TRIM2: variants seen among roughly 807,000 people sequenced by gnomAD.
The protein encoded by TRIM2 is tripartite motif containing 2.
Under a neutral mutation model 75.2 loss-of-function variants are expected in TRIM2, and 20 were observed. That is an observed-to-expected ratio of 0.27 (90% confidence interval 0.19 to 0.39). TRIM2 has a LOEUF of 0.39. TRIM2 is among the 10% of genes least tolerant of loss of function. The pLI, the probability that TRIM2 is intolerant of heterozygous loss-of-function variation, is 1.00. For synonymous variants in TRIM2, 373 were observed against 388.3 expected (o/e 0.96, Z 0.46); for missense variants, 660 against 990.8 (o/e 0.67, Z 4.48).
chr4:153,188,474 C>G lies in TRIM2; in HGVS notation c.-49+35204C>G, dbSNP rs565327202. Among the ~76,000 whole-genome samples, 6 of 151,476 alleles carry G rather than the reference C, an allele frequency of 4.0e-5. No homozygotes were observed. The East Asian group carries it at 9.7e-4, about 24-fold the overall frequency. ...GACTCTGTCTCAAAACAACAAAAAC[C>G]CCATAAAAAAACAAAAGCAAAAAAC... On this transcript the variant is annotated intron_variant, in intron 1 of 11. Transcript: ENST00000437508.
In TRIM2 at chr4:153,244,334, T is replaced by C. The variant is rs867885520; in HGVS notation, c.31-26001T>C. Among the ~76,000 whole-genome samples, 15 of 27,926 alleles carry C rather than the reference T, an allele frequency of 5.4e-4. 1 individual carries two copies. The highest frequency in any genetic ancestry group is 2.1e-3 in the South Asian group (1 of 476). The allele number at this position is 27,926 out of a possible 152,430, so 18.3% of individuals were successfully genotyped here. A position where few individuals can be genotyped will look rare whatever the true frequency, so the allele number is the denominator to read the frequency against. ...CCTCCTCCTCCTCTTCTTCTTCTTC[T>C]TCTTCTTCTTCTTCTTCTTCCTCTT... On this transcript the variant is annotated intron_variant, in intron 1 of 11. Coordinates refer to ENST00000338700, the MANE Select transcript of TRIM2 (RefSeq NM_015271.5).
intron 11 of TRIM2, among the ~76,000 whole-genome samples, chr4:153,333,591 C>T (rs1361054860): frequency 3.3e-5 from 5 of 152,110 alleles, no homozygotes; most frequent in Non-Finnish European, 4.4e-5. Flanking sequence ...AAAAATTTAA[C>T]AGAAGTAACA....
At chr4:153,324,248 A>T (rs1281971480) in intron 10 of TRIM2, 100 bp downstream of exon 10, 2 of 989,228 alleles carry the variant, frequency 2.0e-6, no homozygotes, top group East Asian at 5.3e-5. Context: ...CACCAAAGGG[A>T]GTTAACCAGC....
At chr4:153,276,157 C>A in intron 3 of TRIM2, 27 bp downstream of exon 3, 1 of 1,589,238 alleles carries the variant, frequency 6.3e-7, no homozygotes, top group Non-Finnish European at 8.6e-7. Context: ...GCAGATACTG[C>A]CCGGGAGCAT....
intron 6 of TRIM2, among the ~76,000 whole-genome samples, chr4:153,296,973 A>T (rs1762895670): frequency 6.6e-6 from 1 of 152,206 alleles, no homozygotes; most frequent in Non-Finnish European, 1.5e-5. Context: ...AGGCTAAATG[A>T]AGGAAGTGGA....
At chr4:153,161,045 T>A (rs919727003) in intron 1 of TRIM2, among the ~76,000 whole-genome samples, 1 of 152,228 alleles carries the variant, frequency 6.6e-6, no homozygotes, top group Admixed American at 6.5e-5. Flanking sequence ...GGCATGCTCA[T>A]CTTGCCAAAG....
chr4:153,281,960 C>T (rs989788812), intron 3 of TRIM2, among the ~76,000 whole-genome samples: 3 of 152,334 alleles, frequency 2.0e-5, no homozygotes, highest in Middle Eastern at 3.4e-3. Flanking sequence ...TAACAAGTTT[C>T]CACTTCCATA....
At chr4:153,165,768 T>C (rs777198190) in intron 1 of TRIM2, among the ~76,000 whole-genome samples, 7 of 152,172 alleles carry the variant, frequency 4.6e-5, no homozygotes, top group Non-Finnish European at 7.4e-5. Context: ...GGGTCCTCCA[T>C]AGCCATCCTC....
chr4:153,230,215 C>G (rs1743255783), intron 1 of TRIM2, among the ~76,000 whole-genome samples: 3 of 152,158 alleles, frequency 2.0e-5, no homozygotes, highest in African/African-American at 7.2e-5. Flanking sequence ...AGGTCTTGCT[C>G]TGCTGCCCAG....
At chr4:153,250,542 A>T (rs1292492745) in intron 1 of TRIM2, among the ~76,000 whole-genome samples, 2 of 152,224 alleles carry the variant, frequency 1.3e-5, no homozygotes, top group African/African-American at 4.8e-5. Context: ...ATAAGAATAA[A>T]TGATACCAGA....
intron 1 of TRIM2, among the ~76,000 whole-genome samples, chr4:153,210,964 A>G (rs1736824884): frequency 6.6e-6 from 1 of 152,176 alleles, no homozygotes; most frequent in South Asian, 2.1e-4. Flanking sequence ...CATGCAGGGC[A>G]CCATTGTCTG....
rs189322949 is a variant in TRIM2, at chr4:153,320,507, C to T, written c.1783-2141C>T. On this transcript the variant is annotated intron_variant, in intron 8 of 11. Coordinates refer to ENST00000338700, the MANE Select transcript of TRIM2 (RefSeq NM_015271.5). Reference sequence around the variant, plus strand: ...CTTTTTGGGTTTTCTAAGATATAGACGCTGATTTCTCACTTTTCCTTCCAG... The same window carrying T: ...CTTTTTGGGTTTTCTAAGATATAGATGCTGATTTCTCACTTTTCCTTCCAG... Among the ~76,000 whole-genome samples the T allele has an allele frequency of 4.7e-4, 71 of 152,230 alleles. No individual in the cohort carries two copies. The East Asian group carries it at 0.011, about 23-fold the overall frequency.
At chr4:153,286,766 C>T (rs1344377752) in intron 3 of TRIM2, among the ~76,000 whole-genome samples, 1 of 148,412 alleles carries the variant, frequency 6.7e-6, no homozygotes, top group Non-Finnish European at 1.5e-5. Flanking sequence ...CCACCCCGCA[C>T]CCCCCCACCA....
At chr4:153,321,079 C>G (rs1302137834) in intron 8 of TRIM2, among the ~76,000 whole-genome samples, 1 of 152,156 alleles carries the variant, frequency 6.6e-6, no homozygotes, top group Non-Finnish European at 1.5e-5. Context: ...CTTCGCCTTC[C>G]TTGTCTGCTG....
chr4:153,204,586 A>T (rs1734867367), intron 1 of TRIM2, 26 bp downstream of exon 1: 3 of 1,551,618 alleles, frequency 1.9e-6, no homozygotes, highest in Non-Finnish European at 2.6e-6. Flanking sequence ...AATGTGGGAT[A>T]ATTCTTTTTC....
At chr4:153,251,204 G>A (rs576327042) in intron 1 of TRIM2, among the ~76,000 whole-genome samples, 5 of 152,328 alleles carry the variant, frequency 3.3e-5, no homozygotes, top group African/African-American at 1.2e-4. Flanking sequence ...AGCCACTAAT[G>A]AATGATCCCA....
chr4:153,335,606 T>C lies in TRIM2; in HGVS notation c.*640T>C, dbSNP rs992033966. On this transcript the variant is annotated 3_prime_UTR_variant, in exon 12 of 12. Coordinates refer to ENST00000338700, the MANE Select transcript of TRIM2 (RefSeq NM_015271.5). Reference sequence around the variant, plus strand: ...TTCTGGGTTAGACAAAGATCCTTTTTTGTGTGTTCTTTTCACCACCCCTTT... The same window carrying C: ...TTCTGGGTTAGACAAAGATCCTTTTCTGTGTGTTCTTTTCACCACCCCTTT... 1 of 985,340 alleles carries C rather than the reference T, an allele frequency of 1.0e-6. No homozygotes were observed. The highest frequency in any genetic ancestry group is 6.2e-5 in the Admixed American group (1 of 16,260). The allele number at this position is 985,340 out of a possible 1,614,324, so 61.0% of individuals were successfully genotyped here. A position where few individuals can be genotyped will look rare whatever the true frequency, so the allele number is the denominator to read the frequency against.
chr4:153,222,617 C>T (rs1358909722), intron 1 of TRIM2: 1 of 152,124 alleles, frequency 6.6e-6, no homozygotes, highest in Non-Finnish European at 1.5e-5. Flanking sequence ...TTGCCTCTGC[C>T]TCGCGGTTGA....
In TRIM2 at chr4:153,244,331, T is replaced by C. The variant is rs376516828; in HGVS notation, c.31-26004T>C. 1.0e-3 allele frequency among the ~76,000 whole-genome samples: 25 copies of C among 24,258 alleles called. 1 individual carries two copies. Among genetic ancestry groups the C allele is most frequent in the African/African-American group, 4.4e-3 (14 of 3,166 alleles). The allele number at this position is 24,258 out of a possible 152,430, so 15.9% of individuals were successfully genotyped here. On this transcript the variant is annotated intron_variant, in intron 1 of 11. Coordinates refer to ENST00000338700, the MANE Select transcript of TRIM2 (RefSeq NM_015271.5). ...CCTCCTCCTCCTCCTCTTCTTCTTC[T>C]TCTTCTTCTTCTTCTTCTTCTTCCT... is the stretch of plus-strand genomic sequence containing the variant.
Sources: allele counts gnomAD v4.1 joint callset (sites outside exome capture counted in the v4.1 genomes callset), GRCh38; gene constraint gnomAD v4.1.1; transcripts MANE v1.5; gene names NCBI Gene and HGNC (gene_info 2026-07-23, HGNC 2026-07-21).